The following BPHL variants were observed in gnomAD, a reference collection of about 807,000 sequenced individuals.
The protein encoded by BPHL is biphenyl hydrolase like, also known as serine hydrolase BPHL.
BPHL carries 27 observed loss-of-function variants against 31.2 expected under a neutral mutation model. The observed-to-expected ratio is 0.87, with a 90% confidence interval of 0.64 to 1.19. BPHL has a LOEUF of 1.19. Among genes scored for constraint, BPHL ranks in the 50% most tolerant of loss-of-function variants. The pLI, the probability that BPHL is intolerant of heterozygous loss-of-function variation, is 0.00. For missense variants in BPHL, 356 were observed against 375.7 expected, an observed-to-expected ratio of 0.95 and a Z score of 0.43; for synonymous variants, 150 against 146.8, an observed-to-expected ratio of 1.02 and a Z score of -0.16.
rs371534281 is a variant in BPHL at position 3,119,409 on chromosome 6, C to A, written c.107+562C>A. The A allele has an allele frequency of 5.0e-6, 8 of 1,609,390 alleles. No individual in the cohort carries two copies. The African/African-American group carries it at 8.0e-5, about 16-fold the overall frequency. ...AGAATCACGTTGGGAACTGAAAATT[C>A]AGAATCCTGGGCCTCACTCCCAGAG... On this transcript the variant is annotated intron_variant, in intron 1 of 6. Transcript: ENST00000380379.
At chr6:3,128,554 C>A (rs1761780575) in intron 3 of BPHL, among the ~76,000 whole-genome samples, 1 of 152,226 alleles carries the variant, frequency 6.6e-6, no homozygotes, top group Non-Finnish European at 1.5e-5. Context: ...CACACAACCT[C>A]CCCATGACGC....
At chr6:3,124,571 T>C (rs1761663878) in intron 2 of BPHL, among the ~76,000 whole-genome samples, 1 of 149,486 alleles carries the variant, frequency 6.7e-6, no homozygotes, top group South Asian at 2.1e-4. Context: ...TTCTCCTGTA[T>C]ACTTTAAGTC....
intron 4 of BPHL, among the ~76,000 whole-genome samples, chr6:3,134,503 T>C: frequency 6.9e-6 from 1 of 144,932 alleles, no homozygotes; most frequent in African/African-American, 2.6e-5. Context: ...AGTGGCACCA[T>C]CTCAGCTCAC....
At chr6:3,151,633 A>T (rs144070342) in intron 6 of BPHL, among the ~76,000 whole-genome samples, 1 of 152,202 alleles carries the variant, frequency 6.6e-6, no homozygotes, top group Non-Finnish European at 1.5e-5. Context: ...TGTCCTTTTA[A>T]TGTCTAATTA....
intron 1 of BPHL, among the ~76,000 whole-genome samples, chr6:3,123,097 T>G (rs373758278): frequency 1.3e-5 from 2 of 152,350 alleles, no homozygotes; most frequent in East Asian, 3.9e-4. Context: ...CTAGGGTTTT[T>G]GTAGGGTGAG....
intron 4 of BPHL, among the ~76,000 whole-genome samples, chr6:3,129,929 C>T (rs1256490711): frequency 4.0e-5 from 6 of 151,810 alleles, no homozygotes; most frequent in Non-Finnish European, 7.4e-5. Context: ...GCCTCACCCT[C>T]CCAAGTAGCT....
At chr6:3,141,067 AT>A (rs1446330258) in intron 6 of BPHL, among the ~76,000 whole-genome samples, 3 of 152,230 alleles carry the variant, frequency 2.0e-5, no homozygotes, top group Non-Finnish European at 4.4e-5. Context: ...TTAACAACAG[AT>A]TTCTCAGAGA....
At chr6:3,127,144 A>ACT in intron 2 of BPHL, 98 bp from the exon 3 acceptor site, 1 of 827,140 alleles carries the variant, frequency 1.2e-6, no homozygotes, top group Non-Finnish European at 1.8e-6. Flanking sequence ...TTGAGTAGAA[A>ACT]CTACTTTGCT....
chr6:3,141,413 G>T (rs988621254), intron 6 of BPHL, among the ~76,000 whole-genome samples: 1 of 152,162 alleles, frequency 6.6e-6, no homozygotes, highest in African/African-American at 2.4e-5. Flanking sequence ...TGTCACCTGG[G>T]CTGGAGTGCA....
rs756526867 is a variant in BPHL, at chr6:3,152,553, T to A, written c.854T>A (p.Leu285Ter). The change falls in exon 7 of 7, where the codon TTA becomes TAA. Residue 285 changes from leucine (L) to a stop codon, truncating the protein, a stop_gained. Coordinates refer to ENST00000380379, the MANE Select transcript of BPHL (RefSeq NM_004332.4). LOFTEE classifies it high-confidence loss of function. ...HLRFADEFNK[L>*]AEDFLQ ...CGTTTTGCAGATGAATTCAACAAGTTAGCAGAAGACTTCCTACAATGAGAA... is the reference window on the plus strand; with the variant it reads ...CGTTTTGCAGATGAATTCAACAAGTAAGCAGAAGACTTCCTACAATGAGAA... 6.2e-7 allele frequency: 1 copy of A among 1,613,486 alleles called. No individual in the cohort carries two copies. Among genetic ancestry groups the A allele is most frequent in the South Asian group, 1.1e-5 (1 of 90,910 alleles).
chr6:3,148,317 T>A (rs898348506), intron 6 of BPHL, among the ~76,000 whole-genome samples: 2 of 152,254 alleles, frequency 1.3e-5, no homozygotes, highest in African/African-American at 4.8e-5. Flanking sequence ...TTTCTGCAGC[T>A]TCCTTGGCTG....
intron 4 of BPHL, among the ~76,000 whole-genome samples, chr6:3,132,754 C>T (rs762068471): frequency 6.6e-6 from 1 of 152,098 alleles, no homozygotes; most frequent in African/African-American, 2.4e-5. Context: ...TCACCTGAGC[C>T]GGGGAGGTTG....
chr6:3,136,486 C>T (rs1003680434), intron 4 of BPHL, among the ~76,000 whole-genome samples: 1 of 152,204 alleles, frequency 6.6e-6, no homozygotes, highest in African/African-American at 2.4e-5. Context: ...CCGCCCTCCT[C>T]AGAAGGCAGT....
chr6:3,128,465 C>T (rs115518289), intron 3 of BPHL, among the ~76,000 whole-genome samples: 2,484 of 152,190 alleles, frequency 0.016, 71 homozygotes, highest in African/African-American at 0.057. Context: ...TTTTTCTTGG[C>T]GGCCTCTCTA....
chr6:3,119,140 C>A, intron 1 of BPHL: 1 of 768,540 alleles, frequency 1.3e-6, no homozygotes, highest in Admixed American at 2.2e-5. Flanking sequence ...ACCAGAGAGA[C>A]CCAGGGAGAT....
At chr6:3,123,069 A>G (rs987004788) in intron 1 of BPHL, among the ~76,000 whole-genome samples, 26 of 152,234 alleles carry the variant, frequency 1.7e-4, no homozygotes, top group Non-Finnish European at 3.2e-4. Context: ...CTCTGTGGCC[A>G]TTGATTGAGC....
chr6:3,138,175 C>T (rs1344631404), intron 5 of BPHL: 2 of 345,984 alleles, frequency 5.8e-6, no homozygotes, highest in African/African-American at 4.7e-5. Context: ...TGCACCACCA[C>T]ACAGGCACAT....
intron 4 of BPHL, among the ~76,000 whole-genome samples, chr6:3,135,856 G>C (rs73718972): frequency 6.6e-6 from 1 of 152,102 alleles, no homozygotes; most frequent in East Asian, 1.9e-4. Context: ...CTTTCCTTCC[G>C]GGAAGATTTG....
At chr6:3,146,505 G>C (rs1417917440) in intron 6 of BPHL, among the ~76,000 whole-genome samples, 6 of 134,032 alleles carry the variant, frequency 4.5e-5, no homozygotes, top group African/African-American at 1.8e-4. Context: ...GGTTTGGGGT[G>C]GAGTGCTGGT....
Sources: allele counts gnomAD v4.1 joint callset (sites outside exome capture counted in the v4.1 genomes callset), GRCh38; gene constraint gnomAD v4.1.1; transcripts MANE v1.5; gene names NCBI Gene and HGNC (gene_info 2026-07-23, HGNC 2026-07-21).